AGL: variants seen among roughly 807,000 people sequenced by gnomAD.
AGL encodes glycogen debranching enzyme.
In AGL, 128 loss-of-function variants were observed where a neutral mutation model predicts 199.3. The observed-to-expected ratio is 0.64, with a 90% confidence interval of 0.56 to 0.74. The LOEUF (loss-of-function observed/expected upper bound fraction) is 0.74. Among genes scored for constraint, AGL ranks in the 30% least tolerant of loss-of-function variants. AGL has a pLI of 0.00. For missense variants in AGL, 1,809 were observed against 1,820.8 expected (o/e 0.99, Z 0.12); for synonymous variants, 584 against 594.7 (o/e 0.98, Z 0.26).
chr1:99,906,005 A>G (rs1261776524), intron 27 of AGL, among the ~76,000 whole-genome samples: 5 of 152,136 alleles, frequency 3.3e-5, no homozygotes, highest in Admixed American at 3.3e-4. Flanking sequence ...ATTTTACCAT[A>G]AAAGTTACAA....
chr1:99,922,333 A>G lies in AGL; in HGVS notation c.*682A>G, dbSNP rs1177397896. 1.3e-5 allele frequency: 2 copies of G among 151,824 alleles called. No individual in the cohort carries two copies. The highest frequency in any genetic ancestry group is 2.9e-5 in the Non-Finnish European group (2 of 67,814). 9.4% of individuals were successfully genotyped at this position (151,824 alleles called of 1,614,324 possible). A position where few individuals can be genotyped will look rare whatever the true frequency, so the allele number is the denominator to read the frequency against. On this transcript the variant is annotated 3_prime_UTR_variant, in exon 34 of 34. Transcript: ENST00000361915. ...AAACAGTTTTGTAAAATTAGTATTG[A>G]GTTCTATTGAGTATTATAAGATAGC... is the stretch of plus-strand genomic sequence containing the variant.
At chr1:99,854,232 A>G (rs1488392078) in intron 2 of AGL, among the ~76,000 whole-genome samples, 1 of 152,196 alleles carries the variant, frequency 6.6e-6, no homozygotes, top group Non-Finnish European at 1.5e-5. Flanking sequence ...CTGTGAGGAT[A>G]GGGACAGCCT....
At chr1:99,859,111 C>T (rs1398009837) in intron 2 of AGL, among the ~76,000 whole-genome samples, 6 of 152,128 alleles carry the variant, frequency 3.9e-5, no homozygotes, top group Non-Finnish European at 8.8e-5. Flanking sequence ...TACACATATA[C>T]CCAGACAGCT....
intron 2 of AGL, among the ~76,000 whole-genome samples, chr1:99,858,319 C>A (rs559474299): frequency 6.6e-6 from 1 of 152,260 alleles, no homozygotes; most frequent in East Asian, 1.9e-4. Context: ...AAACTTAAGT[C>A]TTTGATGTAA....
intron 10 of AGL, among the ~76,000 whole-genome samples, chr1:99,876,194 A>G (rs1022290224): frequency 2.0e-5 from 3 of 152,228 alleles, no homozygotes; most frequent in African/African-American, 7.2e-5. Flanking sequence ...ATTTTTTAAA[A>G]TAATTTTATG....
At chr1:99,862,151 C>A in intron 3 of AGL, 106 bp from the exon 4 acceptor site, 2 of 1,132,952 alleles carry the variant, frequency 1.8e-6, no homozygotes, top group South Asian at 1.3e-5. Flanking sequence ...GAAATAAATA[C>A]ATTTTATTTG....
chr1:99,905,953 GT>G lies in AGL; in HGVS notation c.3700+3167del, dbSNP rs533584770. Among the ~76,000 whole-genome samples, 459 of 151,556 alleles carry G rather than the reference GT, an allele frequency of 3.0e-3. 3 individuals are homozygous for G. The highest frequency in any genetic ancestry group is 0.011 in the African/African-American group (444 of 41,332). ...TTGTTTTGTTTTGTTTTTACTATTG[GT>G]TTTTTTTATTGTGGTAAAATAGACA... On this transcript the variant is annotated intron_variant, in intron 27 of 33. Transcript: ENST00000361915.
In AGL at chr1:99,921,936, ATCT is replaced by A. The variant is rs765857222; in HGVS notation, c.*289_*291del. 10 of 238,334 alleles carry A rather than the reference ATCT, an allele frequency of 4.2e-5. No individual in the cohort carries two copies. The highest frequency in any genetic ancestry group is 4.0e-5 in the Non-Finnish European group (5 of 123,716). 14.8% of individuals were successfully genotyped at this position (238,334 alleles called of 1,614,324 possible). On this transcript the variant is annotated 3_prime_UTR_variant, in exon 34 of 34. Transcript: ENST00000361915. ...TAGTTTGGAAAAGAAAAATCATGTCATCTTCTATTTGTACAGAAATGAAAATAA... is the reference window on the plus strand; with the variant it reads ...TAGTTTGGAAAAGAAAAATCATGTCATCTATTTGTACAGAAATGAAAATAA...
intron 25 of AGL, among the ~76,000 whole-genome samples, chr1:99,899,016 G>A (rs1418439787): frequency 2.0e-5 from 3 of 151,964 alleles, no homozygotes; most frequent in South Asian, 2.1e-4. Flanking sequence ...AGCCTGAGGC[G>A]GGCAGATTGC....
intron 2 of AGL, among the ~76,000 whole-genome samples, chr1:99,854,305 T>C (rs963768474): frequency 2.0e-5 from 3 of 152,162 alleles, no homozygotes; most frequent in Non-Finnish European, 4.4e-5. Context: ...CTAGCAAAAA[T>C]TGTAAAAGCT....
intron 28 of AGL, among the ~76,000 whole-genome samples, chr1:99,911,065 T>C (rs1239513064): frequency 6.6e-6 from 1 of 152,230 alleles, no homozygotes; most frequent in Non-Finnish European, 1.5e-5. Context: ...GCTCGTGGGT[T>C]GATTCTCTAC....
In AGL at chr1:99,900,755, T is replaced by TAATTTACCC; in HGVS notation, c.3482_3483insAATTTACCC (p.Ile1161_Gln1162insIleTyrPro). 6.2e-7 allele frequency: 1 copy of TAATTTACCC among 1,614,138 alleles called. No individual in the cohort carries two copies. The highest frequency in any genetic ancestry group is 1.7e-5 in the Admixed American group (1 of 60,020). ...GCTGTGTGGTGGTGGCTGCAGTGTA[T>TAATTTACCC]CCAGGATTACTGTAAAATGGTTCCA... On this transcript the variant is annotated inframe_insertion, in exon 26 of 34. Coordinates refer to ENST00000361915, the MANE Select transcript of AGL (RefSeq NM_000642.3).
intron 5 of AGL, among the ~76,000 whole-genome samples, chr1:99,867,759 T>C (rs1317520151): frequency 6.6e-6 from 1 of 152,090 alleles, no homozygotes; most frequent in Non-Finnish European, 1.5e-5. Context: ...TCCCGCCATA[T>C]TGGCCAGGTT....
At chr1:99,900,073 G>C (rs1458755358) in intron 25 of AGL, among the ~76,000 whole-genome samples, 1 of 151,826 alleles carries the variant, frequency 6.6e-6, no homozygotes, top group Non-Finnish European at 1.5e-5. Context: ...GGGACTACAG[G>C]CACGCACCAC....
At chr1:99,878,838 G>A (rs3753491) in intron 12 of AGL, among the ~76,000 whole-genome samples, 57,026 of 151,962 alleles carry the variant, frequency 0.38, 11,668 homozygotes, top group East Asian at 0.48. Flanking sequence ...AAAAAATGAC[G>A]GCTTTATTTT....
At chr1:99,873,868 T>G (rs1049213383) in intron 7 of AGL, among the ~76,000 whole-genome samples, 43 of 152,216 alleles carry the variant, frequency 2.8e-4, no homozygotes, top group African/African-American at 9.7e-4. Flanking sequence ...TGTTTTTTTG[T>G]TCGTGTTTTT....
chr1:99,863,748 CT>C (rs11372707), intron 4 of AGL, among the ~76,000 whole-genome samples: 3,795 of 118,838 alleles, frequency 0.032, 71 homozygotes, highest in Admixed American at 0.061. Context: ...TGCGCCTGGC[CT>C]TTTTTTTTTT....
chr1:99,857,847 A>AGGGAGGCCGTGGGG (rs1649685231), intron 2 of AGL, among the ~76,000 whole-genome samples: 1 of 8,224 alleles, frequency 1.2e-4, no homozygotes, highest in Admixed American at 1.1e-3. Flanking sequence ...GGGGAGGGGG[A>AGGGAGGCCGTGGGG]GGGGGGAAGA....
At position 99,864,540 on chromosome 1, in the gene AGL, A is replaced by G. The variant is rs1571232440; in HGVS notation, c.615A>G (p.Lys205=). 6.2e-7 allele frequency: 1 copy of G among 1,613,990 alleles called. No individual in the cohort carries two copies. The highest frequency in any genetic ancestry group is 8.5e-7 in the Non-Finnish European group (1 of 1,179,924). The part of the protein sequence containing the change: ...NDVGQLVEKL[K]KEWNVICITD... Reference sequence around the variant, plus strand: ...TTGGACAGCTAGTGGAAAAATTAAAAAAGGAATGGAATGTTATTTGTATTA... The same window carrying G: ...TTGGACAGCTAGTGGAAAAATTAAAGAAGGAATGGAATGTTATTTGTATTA... Residue 205 remains lysine (K), a synonymous_variant, in exon 5 of 34, where the codon AAA becomes AAG. Coordinates refer to ENST00000361915, the MANE Select transcript of AGL (RefSeq NM_000642.3).
Sources: gnomAD v4.1 joint callset for allele counts (sites outside exome capture counted in the v4.1 genomes callset) on GRCh38, gnomAD v4.1.1 for gene constraint, MANE v1.5 for transcripts, NCBI Gene and HGNC (gene_info 2026-07-23, HGNC 2026-07-21) for gene names.